Variants in RPS6KC1 observed in about 807,000 individuals in gnomAD.
The protein encoded by RPS6KC1 is ribosomal protein S6 kinase C1.
Under a neutral mutation model 103.8 loss-of-function variants are expected in RPS6KC1, and 54 were observed. The observed-to-expected ratio is 0.52, with a 90% confidence interval of 0.42 to 0.65. RPS6KC1 has a LOEUF of 0.65. Ranked by LOEUF, RPS6KC1 falls within the 30% of genes least tolerant of loss-of-function variation. RPS6KC1 has a pLI of 0.00. For synonymous variants in RPS6KC1, 439 were observed against 438.7 expected, an observed-to-expected ratio of 1.00 and a Z score of -0.01; for missense variants, 1,151 against 1,253.8, an observed-to-expected ratio of 0.92 and a Z score of 1.24.
At chr1:213,152,738 C>T (rs374565968) in intron 6 of RPS6KC1, among the ~76,000 whole-genome samples, 9 of 150,928 alleles carry the variant, frequency 6.0e-5, no homozygotes, top group South Asian at 2.1e-4. Context: ...CGGGCGGAGA[C>T]GCTCCTCACT....
At chr1:213,507,102 G>A in the RPS6KC1 span, among the ~76,000 whole-genome samples, 1 of 152,120 alleles carries the variant, frequency 6.6e-6, no homozygotes, top group South Asian at 2.1e-4. Context: ...GAACGTATCA[G>A]CATTCTGGTT....
At chr1:213,192,569 A>G (rs1382078664) in intron 8 of RPS6KC1, among the ~76,000 whole-genome samples, 1 of 152,042 alleles carries the variant, frequency 6.6e-6, no homozygotes, top group Non-Finnish European at 1.5e-5. Context: ...TGATCTCTTC[A>G]GGTTTTGGAT....
At chr1:213,510,298 G>A in the RPS6KC1 span, among the ~76,000 whole-genome samples, 1 of 152,146 alleles carries the variant, frequency 6.6e-6, no homozygotes, top group Non-Finnish European at 1.5e-5. Context: ...CTTCCAGTAA[G>A]CCCTTCAGTG....
chr1:213,148,476 C>T (rs2088161410), intron 6 of RPS6KC1, among the ~76,000 whole-genome samples: 1 of 152,152 alleles, frequency 6.6e-6, no homozygotes, highest in Non-Finnish European at 1.5e-5. Context: ...TGAGGTTTCA[C>T]ATTGATTGAT....
At chr1:213,641,829 A>AAAATAAATAAAT in the RPS6KC1 span, among the ~76,000 whole-genome samples, 30 of 116,350 alleles carry the variant, frequency 2.6e-4, no homozygotes, top group African/African-American at 8.9e-4. Context: ...ACCCCCTGCA[A>AAAATAAATAAAT]AAATAAATAA....
chr1:213,349,871 T>C, the RPS6KC1 span, among the ~76,000 whole-genome samples: 1 of 152,214 alleles, frequency 6.6e-6, no homozygotes, highest in Non-Finnish European at 1.5e-5. Flanking sequence ...ATTATTAACA[T>C]TTCTGTTCCC....
the RPS6KC1 span, among the ~76,000 whole-genome samples, chr1:213,747,269 A>G: frequency 1.3e-5 from 2 of 152,178 alleles, no homozygotes; most frequent in Non-Finnish European, 2.9e-5. Flanking sequence ...TGCTGCCAAG[A>G]GGTCAAGGAA....
At chr1:213,445,862 CG>C in the RPS6KC1 span, among the ~76,000 whole-genome samples, 41 of 152,272 alleles carry the variant, frequency 2.7e-4, no homozygotes, top group Admixed American at 6.5e-4. Flanking sequence ...TGCACAAAGC[CG>C]TCTCAAGGCT....
intron 8 of RPS6KC1, among the ~76,000 whole-genome samples, chr1:213,180,787 T>C (rs2092221072): frequency 6.6e-6 from 1 of 152,056 alleles, no homozygotes; most frequent in African/African-American, 2.4e-5. Flanking sequence ...GATGTGCTTA[T>C]ATTTGTATGT....
chr1:213,158,572 T>C (rs1037545646), intron 6 of RPS6KC1, among the ~76,000 whole-genome samples: 1 of 152,210 alleles, frequency 6.6e-6, no homozygotes, highest in Non-Finnish European at 1.5e-5. Flanking sequence ...TTAATTTTAG[T>C]TTATTGTACT....
chr1:213,404,856 C>T, the RPS6KC1 span, among the ~76,000 whole-genome samples: 668 of 152,354 alleles, frequency 4.4e-3, 4 homozygotes, highest in African/African-American at 0.012. Flanking sequence ...AGTTCACACT[C>T]CTACTTAATT....
At chr1:213,785,557 G>A in the RPS6KC1 span, among the ~76,000 whole-genome samples, 1 of 152,002 alleles carries the variant, frequency 6.6e-6, no homozygotes, top group South Asian at 2.1e-4. Context: ...CTTTTAATGA[G>A]TGTTAGTGAT....
At chr1:213,067,208 AT>A (rs900614317) in intron 1 of RPS6KC1, among the ~76,000 whole-genome samples, 4 of 152,160 alleles carry the variant, frequency 2.6e-5, no homozygotes, top group Non-Finnish European at 5.9e-5. Context: ...TGTTGTCAGG[AT>A]CTCCTGAGGC....
At chr1:213,065,896 A>G (rs530052867) in intron 1 of RPS6KC1, among the ~76,000 whole-genome samples, 5 of 152,338 alleles carry the variant, frequency 3.3e-5, no homozygotes, top group African/African-American at 1.2e-4. Context: ...AATAGAGTGG[A>G]AAGAGCAGTA....
the RPS6KC1 span, among the ~76,000 whole-genome samples, chr1:213,443,831 T>C: frequency 6.6e-6 from 1 of 152,004 alleles, no homozygotes; most frequent in African/African-American, 2.4e-5. Flanking sequence ...GGTGGGAGGA[T>C]CACCTGAAAG....
chr1:213,657,780 T>G, the RPS6KC1 span, among the ~76,000 whole-genome samples: 6 of 152,340 alleles, frequency 3.9e-5, no homozygotes, highest in African/African-American at 1.4e-4. Flanking sequence ...ACTAGAGTCA[T>G]CTTCTTAATT....
chr1:213,747,083 G>A, the RPS6KC1 span, among the ~76,000 whole-genome samples: 1 of 152,114 alleles, frequency 6.6e-6, no homozygotes, highest in Non-Finnish European at 1.5e-5. Flanking sequence ...GGATGGAGAA[G>A]GGAATAGGAC....
the RPS6KC1 span, among the ~76,000 whole-genome samples, chr1:213,770,071 G>T: frequency 6.6e-6 from 1 of 152,188 alleles, no homozygotes; most frequent in African/African-American, 2.4e-5. Context: ...CACAACCAGA[G>T]CATCTCTGTT....
At chr1:213,291,829 C>A in the RPS6KC1 span, among the ~76,000 whole-genome samples, 1 of 152,212 alleles carries the variant, frequency 6.6e-6, no homozygotes, top group Admixed American at 6.5e-5. Flanking sequence ...CTTTCTTAAA[C>A]ACGTTGACTG....
Sources: gnomAD v4.1 joint callset for allele counts (sites outside exome capture counted in the v4.1 genomes callset) on GRCh38, gnomAD v4.1.1 for gene constraint, MANE v1.5 for transcripts, NCBI Gene and HGNC (gene_info 2026-07-23, HGNC 2026-07-21) for gene names.